Variants in ADRA1A observed in about 807,000 individuals in gnomAD.
ADRA1A encodes adrenoceptor alpha 1A, also known as alpha-1A adrenergic receptor.
A neutral mutation model predicts 29.6 loss-of-function variants in ADRA1A; 31 were observed. That is an observed-to-expected ratio of 1.05 (90% CI 0.79 to 1.41). The LOEUF is 1.41. Among genes scored for constraint, ADRA1A ranks in the 40% most tolerant of loss-of-function variants. The pLI is 0.00. For missense variants in ADRA1A, 619 were observed against 601.1 expected (o/e 1.03, Z -0.31); for synonymous variants, 311 against 254.3 (o/e 1.22, Z -2.12).
intron 2 of ADRA1A, among the ~76,000 whole-genome samples, chr8:26,758,094 A>C (rs1186613422): frequency 6.6e-6 from 1 of 152,180 alleles, no homozygotes; most frequent in Admixed American, 6.5e-5. Flanking sequence ...AAGCTAAGAC[A>C]AATTTTCCAG....
downstream of ADRA1A, chr8:26,765,771 C>CT (rs1585639570): frequency 1.7e-6 from 2 of 1,194,366 alleles, no homozygotes; most frequent in South Asian, 3.3e-5. Flanking sequence ...GAGGCAGCAT[C>CT]TTTTTTGGCC....
At position 26,827,562 on chromosome 8, in the gene ADRA1A, G is replaced by A. The variant is rs143613457; in HGVS notation, c.883+36525C>T. On this transcript the variant is annotated intron_variant, in intron 2 of 2. Coordinates refer to ENST00000380573, the MANE Select transcript of ADRA1A (RefSeq NM_000680.4). The stretch of plus-strand genomic sequence containing the variant: ...GGTTCATAGAAGGCTCCTTCTATCC[G>A]TGTCCTCACAAGGTGGAAGGGACAA... 2.0e-3 allele frequency among the ~76,000 whole-genome samples: 312 copies of A among 152,312 alleles called. 1 individual carries two copies. Among genetic ancestry groups the A allele is most frequent in the African/African-American group, 7.1e-3 (294 of 41,584 alleles).
At position 26,758,610 on chromosome 8, in the gene ADRA1A, G is replaced by T. The variant is rs144369536; in HGVS notation, c.1270-1831C>A. ...GATTTGTTCAGGGCCACTTAAATAG[G>T]TACAGAGATGGGAACTGCAATGAAG... On this transcript the variant is annotated intron_variant, in intron 2 of 2. Transcript: ENST00000380582. Among the ~76,000 whole-genome samples, 7 of 152,268 alleles carry T rather than the reference G, an allele frequency of 4.6e-5. No individual in the cohort carries two copies. The East Asian group carries it at 1.4e-3, about 29-fold the overall frequency.
chr8:26,754,880 C>T (rs1444293203), downstream of ADRA1A, among the ~76,000 whole-genome samples: 1 of 152,210 alleles, frequency 6.6e-6, no homozygotes, highest in Non-Finnish European at 1.5e-5. Flanking sequence ...GACACTCTTT[C>T]ATACGCTTCA....
intron 2 of ADRA1A, among the ~76,000 whole-genome samples, chr8:26,842,050 C>G (rs1034808766): frequency 1.3e-5 from 2 of 152,128 alleles, no homozygotes; most frequent in Non-Finnish European, 2.9e-5. Context: ...ATTCCCATGA[C>G]TCTCATCTCA....
chr8:26,782,868 G>C (rs1807095457), intron 2 of ADRA1A, among the ~76,000 whole-genome samples: 1 of 152,016 alleles, frequency 6.6e-6, no homozygotes, highest in Admixed American at 6.6e-5. Flanking sequence ...TTGCTTCTCT[G>C]CTTCACTTTG....
chr8:26,864,017 G>T lies in ADRA1A; in HGVS notation c.883+70C>A. The T allele has an allele frequency of 1.3e-6, 2 of 1,488,828 alleles. No homozygotes were observed. Among genetic ancestry groups the T allele is most frequent in the Non-Finnish European group, 1.8e-6 (2 of 1,101,240 alleles). The allele number at this position is 1,488,828 out of a possible 1,614,324, so 92.2% of individuals were successfully genotyped here. ...CTTCCTCTTCCATCCCGGACTGGGA[G>T]TCTGGGGTAACAGAAGCCGAGGAGG... On this transcript the variant is annotated intron_variant, in intron 2 of 2. Transcript: ENST00000380573. This position sits in a 1 kb window ranked among gnomAD's most constrained non-coding sequence, Gnocchi z 8.1.
intron 2 of ADRA1A, among the ~76,000 whole-genome samples, chr8:26,770,910 G>T (rs1206599810): frequency 6.6e-6 from 1 of 152,176 alleles, no homozygotes; most frequent in Non-Finnish European, 1.5e-5. Context: ...AGTGGGTAGG[G>T]TTGCACTGGC....
Position 26,815,689 on chromosome 8 carries a change from A to G in ADRA1A, c.884-45023T>C, listed in dbSNP as rs1392678590. ...GAAAGGTCTCTGTTGAGTACTGAAC[A>G]AGAATAAAAATAAAGCATACCAAAA... On this transcript the variant is annotated intron_variant, in intron 2 of 2. Coordinates refer to ENST00000380573, the MANE Select transcript of ADRA1A (RefSeq NM_000680.4). This position sits in a 1 kb window ranked among gnomAD's most constrained non-coding sequence, Gnocchi z 4.2. Among the ~76,000 whole-genome samples, 6 of 152,224 alleles carry G rather than the reference A, an allele frequency of 3.9e-5. No homozygotes were observed. The highest frequency in any genetic ancestry group is 2.0e-4 in the Admixed American group (3 of 15,292).
At chr8:26,771,867 T>A (rs61760521) in intron 2 of ADRA1A, 1 of 152,580 alleles carries the variant, frequency 6.6e-6, no homozygotes, top group Non-Finnish European at 1.5e-5. Context: ...TCACATAGGA[T>A]AAGGTCAATG....
rs757196717 is a variant in ADRA1A, at chr8:26,770,273, C to T, written c.1277G>A (p.Ser426Asn). 1 of 1,614,190 alleles carries T rather than the reference C, an allele frequency of 6.2e-7. No homozygotes were observed. The highest frequency in any genetic ancestry group is 8.5e-7 in the Non-Finnish European group (1 of 1,180,016). Residue 426 changes from serine (S) to asparagine (N), a missense_variant, in exon 3 of 3, where the codon AGT becomes AAT. By Grantham distance (46) the Ser-to-Asn change is conservative (BLOSUM62 1). Coordinates refer to ENST00000380573, the MANE Select transcript of ADRA1A (RefSeq NM_000680.4). ...GCAGCAGACCTGCAAAAAGCTTTTA[C>T]TTCTCACCCGGGCTGTGGTACAGGA... ...QSSCTTARVR[S>N]KSFLQVCCCV...
In ADRA1A at chr8:26,841,726, A is replaced by G. The variant is rs1281638665; in HGVS notation, c.883+22361T>C. On this transcript the variant is annotated intron_variant, in intron 2 of 2. Transcript: ENST00000380573. The surrounding 1 kb of genome is among the most constrained non-coding windows in gnomAD (Gnocchi z 4.4). ...ACAAGAGAAAGCTGGTGGCATTCCT[A>G]TTTAGTGACATCTCTTCCCAACTCT... Among the ~76,000 whole-genome samples the G allele has an allele frequency of 1.3e-5, 2 of 152,126 alleles. No homozygotes were observed. Among genetic ancestry groups the G allele is most frequent in the East Asian group, 3.9e-4 (2 of 5,186 alleles).
At chr8:26,780,077 G>A (rs1236666403) in intron 2 of ADRA1A, among the ~76,000 whole-genome samples, 1 of 152,100 alleles carries the variant, frequency 6.6e-6, no homozygotes, top group Non-Finnish European at 1.5e-5. Context: ...TCTTTTTGTT[G>A]CTGATAAGAT....
chr8:26,773,835 C>A (rs993572966), intron 2 of ADRA1A, among the ~76,000 whole-genome samples: 1 of 152,132 alleles, frequency 6.6e-6, no homozygotes, highest in South Asian at 2.1e-4. Context: ...TGACCCAGAG[C>A]CAAGCTCTTG....
intron 2 of ADRA1A, among the ~76,000 whole-genome samples, chr8:26,832,661 C>A (rs945267561): frequency 3.3e-5 from 5 of 152,070 alleles, no homozygotes; most frequent in Non-Finnish European, 7.4e-5. Flanking sequence ...ACAGTTCAAG[C>A]AGATTGTCTA....
rs372540723 is a variant in ADRA1A at position 26,769,421 on chromosome 8, G to A, written c.*728C>T. 1.1e-5 allele frequency: 11 copies of A among 985,348 alleles called. No homozygotes were observed. The highest frequency in any genetic ancestry group is 2.3e-4 in the East Asian group (2 of 8,800). The allele number at this position is 985,348 out of a possible 1,614,324, so 61.0% of individuals were successfully genotyped here. On this transcript the variant is annotated 3_prime_UTR_variant, in exon 3 of 3. Transcript: ENST00000380573. ...ATGCTCAGGTCTATTGTTTTCTCTT[G>A]GGAAAAGCCATACCACCCTGGTTGG... is the stretch of plus-strand genomic sequence containing the variant.
At chr8:26,751,279 T>A (rs1804918510) in intron 2 of ADRA1A, among the ~76,000 whole-genome samples, 1 of 152,122 alleles carries the variant, frequency 6.6e-6, no homozygotes, top group African/African-American at 2.4e-5. Flanking sequence ...CAGAACATAA[T>A]AACATGTGGG....
intron 2 of ADRA1A, among the ~76,000 whole-genome samples, chr8:26,832,766 G>T (rs113228744): frequency 6.6e-6 from 1 of 152,148 alleles, no homozygotes; most frequent in South Asian, 2.1e-4. Flanking sequence ...TCACACCTGT[G>T]GGGGAGGGAG....
At chr8:26,839,026 A>G (rs770346638) in intron 2 of ADRA1A, among the ~76,000 whole-genome samples, 1 of 152,246 alleles carries the variant, frequency 6.6e-6, no homozygotes, top group Non-Finnish European at 1.5e-5. Context: ...TTTTATTTCA[A>G]TAGATATCAA....
Sources: gnomAD v4.1 joint callset for allele counts (sites outside exome capture counted in the v4.1 genomes callset) on GRCh38, gnomAD v4.1.1 for gene constraint, Gnocchi (gnomAD v3.1) non-coding constraint, MANE v1.5 for transcripts, NCBI Gene and HGNC (gene_info 2026-07-23, HGNC 2026-07-21) for gene names.